Variants in MANBA observed in about 807,000 individuals in gnomAD.
The protein encoded by MANBA is mannosidase beta, also known as beta-mannosidase.
A neutral mutation model predicts 111.1 loss-of-function variants in MANBA; 83 were observed. That is an observed-to-expected ratio of 0.75 (90% confidence interval 0.63 to 0.90). The LOEUF (loss-of-function observed/expected upper bound fraction) is 0.90, where lower values mean the gene tolerates loss of function less well. Ranked by LOEUF, MANBA falls within the 40% of genes least tolerant of loss-of-function variation. MANBA has a pLI of 0.00. For missense variants in MANBA, 1,036 were observed against 1,069.0 expected, an observed-to-expected ratio of 0.97 and a Z score of 0.43; for synonymous variants, 370 against 378.7, an observed-to-expected ratio of 0.98 and a Z score of 0.27.
chr4:102,741,619 G>A (rs6811212), intron 1 of MANBA, among the ~76,000 whole-genome samples: 4,785 of 152,180 alleles, frequency 0.031, 212 homozygotes, highest in African/African-American at 0.1. Context: ...GCCACAAAAA[G>A]GAACAAAATA....
chr4:102,681,902 T>C, intron 7 of MANBA, among the ~76,000 whole-genome samples: 1 of 152,028 alleles, frequency 6.6e-6, no homozygotes, highest in East Asian at 1.9e-4. Context: ...TCCTAGCACT[T>C]TGGGAGGCAG....
chr4:102,701,811 C>T (rs1733063110), intron 5 of MANBA, among the ~76,000 whole-genome samples: 1 of 151,226 alleles, frequency 6.6e-6, no homozygotes, highest in Admixed American at 6.6e-5. Context: ...TTCATTTCAA[C>T]TTTGGTGAAT....
intron 13 of MANBA, among the ~76,000 whole-genome samples, chr4:102,646,944 GT>G (rs1730131692): frequency 6.6e-6 from 1 of 152,038 alleles, no homozygotes; most frequent in Admixed American, 6.6e-5. Flanking sequence ...TTTGCTAACA[GT>G]TGCAAATATT....
intron 14 of MANBA, among the ~76,000 whole-genome samples, chr4:102,636,949 C>A (rs1357953140): frequency 6.6e-6 from 1 of 152,102 alleles, no homozygotes; most frequent in African/African-American, 2.4e-5. Flanking sequence ...GGTAACTGAA[C>A]CATGGGGGCA....
At chr4:102,714,082 C>T (rs1396475937) in intron 5 of MANBA, among the ~76,000 whole-genome samples, 1 of 151,988 alleles carries the variant, frequency 6.6e-6, no homozygotes, top group African/African-American at 2.4e-5. Context: ...GTGAGCAAAG[C>T]AAGAATTTGA....
chr4:102,684,872 T>C (rs563671324), intron 7 of MANBA, among the ~76,000 whole-genome samples: 129 of 152,284 alleles, frequency 8.5e-4, no homozygotes, highest in African/African-American at 2.9e-3. Flanking sequence ...CACAGAACAG[T>C]GAGCAATTTA....
At chr4:102,678,456 C>G (rs1402581381) in intron 7 of MANBA, among the ~76,000 whole-genome samples, 1 of 152,002 alleles carries the variant, frequency 6.6e-6, no homozygotes, top group Admixed American at 6.6e-5. Context: ...TTGAAAAGAC[C>G]CTTGAGTAAC....
chr4:102,712,260 C>T (rs1455177976), intron 5 of MANBA, among the ~76,000 whole-genome samples: 2 of 152,158 alleles, frequency 1.3e-5, no homozygotes, highest in African/African-American at 4.8e-5. Context: ...GAACTGTTTA[C>T]ACTGAATCTA....
intron 12 of MANBA, 58 bp from the exon 13 acceptor site, chr4:102,650,759 T>C (rs1383768747): frequency 1.4e-6 from 2 of 1,402,732 alleles, no homozygotes; most frequent in Non-Finnish European, 2.0e-6. Flanking sequence ...ACTACTTTTC[T>C]ATAAGTTCCT....
chr4:102,673,532 T>C (rs183616793), intron 8 of MANBA, among the ~76,000 whole-genome samples: 26 of 151,962 alleles, frequency 1.7e-4, no homozygotes, highest in African/African-American at 6.3e-4. Context: ...GGTAAATATG[T>C]GTTCTTATCT....
intron 5 of MANBA, among the ~76,000 whole-genome samples, chr4:102,704,049 C>T (rs1045562757): frequency 9.9e-5 from 15 of 151,782 alleles, no homozygotes; most frequent in South Asian, 4.2e-4. Flanking sequence ...GAGCCAAGAT[C>T]GCGCCACTGC....
At position 102,726,683 on chromosome 4, in the gene MANBA, C is replaced by G; in HGVS notation, c.178G>C (p.Asp60His). 1 of 1,429,602 alleles carries G rather than the reference C, an allele frequency of 7.0e-7. No homozygotes were observed. 88.6% of individuals were successfully genotyped at this position (1,429,602 alleles called of 1,614,324 possible). ...AGGTCATTAAATCTGTAGTAAGAATCCTGTTGATACAAGGTAAAAATTATG... is the reference window on the plus strand; with the variant it reads ...AGGTCATTAAATCTGTAGTAAGAATGCTGTTGATACAAGGTAAAAATTATG... ...SALFQQGLIQ[D>H]SYYRFNDLNY... Residue 60 changes from aspartate (D) to histidine (H), a missense_variant and splice_region_variant, in exon 2 of 17, where the codon GAT becomes CAT. Physicochemically the swap from Asp to His is moderately conservative, Grantham distance 81. Coordinates refer to ENST00000647097, the MANE Select transcript of MANBA (RefSeq NM_005908.4).
chr4:102,702,360 C>G (rs28371466), intron 5 of MANBA, among the ~76,000 whole-genome samples: 3,923 of 151,782 alleles, frequency 0.026, 108 homozygotes, highest in African/African-American at 0.073. Flanking sequence ...CTCAACTTGT[C>G]AAAGTCATTC....
At chr4:102,720,041 T>A (rs1456561234) in intron 4 of MANBA, among the ~76,000 whole-genome samples, 3 of 152,252 alleles carry the variant, frequency 2.0e-5, no homozygotes, top group Admixed American at 2.0e-4. Context: ...CAAAATAGCA[T>A]ATGGATATAT....
chr4:102,760,844 G>C lies in MANBA; in HGVS notation c.51C>G (p.Thr17=). The C allele has an allele frequency of 6.4e-7, 1 of 1,571,016 alleles. No homozygotes were observed. Among genetic ancestry groups the C allele is most frequent in the Non-Finnish European group, 8.6e-7 (1 of 1,159,048 alleles). Residue 17 remains threonine, a synonymous_variant, in exon 1 of 17, where the codon ACC becomes ACG. Coordinates refer to ENST00000647097, the MANE Select transcript of MANBA (RefSeq NM_005908.4). ...GCAAGCTGTAACTGAGCTCCGCGGC[G>C]GTGGTGCCTGCACCGCACAGCGCGA... ...LLLALCGAGT[T]AAELSYSLRG...
At chr4:102,725,554 G>A (rs1722761728) in intron 2 of MANBA, among the ~76,000 whole-genome samples, 2 of 152,172 alleles carry the variant, frequency 1.3e-5, no homozygotes, top group Admixed American at 6.5e-5. Context: ...GTTTATACTT[G>A]ATTTGCCAAG....
chr4:102,760,692 C>G (rs369306444), intron 1 of MANBA, 26 bp downstream of exon 1: 1 of 1,511,268 alleles, frequency 6.6e-7, no homozygotes, highest in South Asian at 1.2e-5. Flanking sequence ...GGCGCAGGCT[C>G]GCCGCGGGTC....
intron 7 of MANBA, among the ~76,000 whole-genome samples, chr4:102,686,377 CTTCAATATATTTACTTAT>C (rs1377050708): frequency 6.6e-6 from 1 of 152,172 alleles, no homozygotes; most frequent in African/African-American, 2.4e-5. Context: ...GCTTCCACCA[CTTCAATATATTTACTTAT>C]TTGTTCAGTT....
intron 4 of MANBA, among the ~76,000 whole-genome samples, chr4:102,716,111 G>T (rs1362342270): frequency 6.6e-6 from 1 of 151,648 alleles, no homozygotes; most frequent in Admixed American, 6.6e-5. Context: ...GGAGTTCAAG[G>T]CCAGCCTGAC....
Sources: gnomAD v4.1 joint callset for allele counts (sites outside exome capture counted in the v4.1 genomes callset) on GRCh38, gnomAD v4.1.1 for gene constraint, MANE v1.5 for transcripts, NCBI Gene and HGNC (gene_info 2026-07-23, HGNC 2026-07-21) for gene names.